LGALS12: variants seen among roughly 807,000 people sequenced by gnomAD.
The protein encoded by LGALS12 is galectin-12.
A neutral mutation model predicts 36.8 loss-of-function variants in LGALS12; 36 were observed. That is an observed-to-expected ratio of 0.98 (90% CI 0.75 to 1.29). The LOEUF (loss-of-function observed/expected upper bound fraction) is 1.29. LGALS12 is among the 50% of genes most tolerant of loss of function. LGALS12 has a pLI of 0.00. For synonymous variants in LGALS12, 145 were observed against 155.9 expected (o/e 0.93, Z 0.52); for missense variants, 366 against 394.3 (o/e 0.93, Z 0.61).
intron 7 of LGALS12, among the ~76,000 whole-genome samples, chr11:63,513,080 A>T (rs1445537837): frequency 5.3e-5 from 8 of 152,192 alleles, no homozygotes; most frequent in Non-Finnish European, 1.2e-4. Flanking sequence ...TCGGCCTCCA[A>T]AGACAGGCAT....
chr11:63,512,947 T>A (rs989400678), intron 7 of LGALS12, among the ~76,000 whole-genome samples: 4 of 150,482 alleles, frequency 2.7e-5, no homozygotes, highest in Non-Finnish European at 4.4e-5. Flanking sequence ...AAGCACCCTA[T>A]GTTCTCCTTG....
chr11:63,509,097 G>C, intron 3 of LGALS12, 106 bp downstream of exon 3: 1 of 940,114 alleles, frequency 1.1e-6, no homozygotes, highest in Non-Finnish European at 1.6e-6. Flanking sequence ...ATTGGTAGTG[G>C]TCAGGTACCA....
At chr11:63,511,604 G>A in intron 6 of LGALS12, 148 bp from the exon 7 acceptor site, 1 of 628,448 alleles carries the variant, frequency 1.6e-6, no homozygotes, top group Non-Finnish European at 2.8e-6. Flanking sequence ...AGTACAGGAG[G>A]CCAGGTGCTT....
At chr11:63,516,136 G>A in intron 8 of LGALS12, 111 bp from the exon 9 acceptor site, 1 of 1,372,636 alleles carries the variant, frequency 7.3e-7, no homozygotes, top group Non-Finnish European at 9.8e-7. Flanking sequence ...TGCCCCCTGG[G>A]TCCAGTCTTC....
chr11:63,507,665 C>T (rs971032375), intron 1 of LGALS12, among the ~76,000 whole-genome samples: 5 of 150,806 alleles, frequency 3.3e-5, no homozygotes, highest in Non-Finnish European at 7.4e-5. Flanking sequence ...GGAGGAACAG[C>T]CCAGAAAAGG....
chr11:63,513,063 G>A (rs2016976142), intron 7 of LGALS12, among the ~76,000 whole-genome samples: 1 of 152,150 alleles, frequency 6.6e-6, no homozygotes. Flanking sequence ...CCCAGCACTC[G>A]ATGGCCTCGG....
intron 7 of LGALS12, among the ~76,000 whole-genome samples, chr11:63,514,636 G>C (rs2017025348): frequency 6.6e-6 from 1 of 152,068 alleles, no homozygotes; most frequent in African/African-American, 2.4e-5. Context: ...GCAGGTGCCA[G>C]ATCCCCCCAC....
intron 7 of LGALS12, among the ~76,000 whole-genome samples, chr11:63,512,738 G>A (rs867627871): frequency 6.0e-5 from 9 of 149,478 alleles, no homozygotes; most frequent in African/African-American, 7.5e-5. Flanking sequence ...GCAGTGATCC[G>A]AGATCGCGCC....
chr11:63,513,055 C>T (rs1432430113), intron 7 of LGALS12, among the ~76,000 whole-genome samples: 1 of 152,256 alleles, frequency 6.6e-6, no homozygotes, highest in South Asian at 2.1e-4. Flanking sequence ...GCATGAAGCC[C>T]AGCACTCGAT....
intron 7 of LGALS12, among the ~76,000 whole-genome samples, chr11:63,513,286 T>C (rs2016981871): frequency 6.6e-6 from 1 of 152,202 alleles, no homozygotes; most frequent in Admixed American, 6.5e-5. Flanking sequence ...GTTCATATTG[T>C]AGCTCAAAGT....
intron 7 of LGALS12, among the ~76,000 whole-genome samples, chr11:63,514,375 C>G (rs1454333707): frequency 6.6e-6 from 1 of 152,080 alleles, no homozygotes; most frequent in South Asian, 2.1e-4. Context: ...ATCGAGACCA[C>G]CCTGGCCAAC....
At chr11:63,513,017 C>T (rs897703639) in intron 7 of LGALS12, among the ~76,000 whole-genome samples, 1 of 152,122 alleles carries the variant, frequency 6.6e-6, no homozygotes, top group African/African-American at 2.4e-5. Context: ...CTGCACACTG[C>T]CGATCATGCC....
chr11:63,514,294 G>A (rs1042162372), intron 7 of LGALS12, among the ~76,000 whole-genome samples: 1 of 152,162 alleles, frequency 6.6e-6, no homozygotes, highest in Non-Finnish European at 1.5e-5. Flanking sequence ...AATCTGGGCC[G>A]GGCGCGGTGG....
chr11:63,508,237 T>C (rs2016800344), intron 1 of LGALS12: 1 of 1,210,740 alleles, frequency 8.3e-7, no homozygotes, highest in South Asian at 1.8e-5. Flanking sequence ...ATCTAGTGGA[T>C]GGCAAGCCTC....
At chr11:63,510,229 T>G (rs2016877719) in intron 4 of LGALS12, among the ~76,000 whole-genome samples, 2 of 152,202 alleles carry the variant, frequency 1.3e-5, no homozygotes, top group Non-Finnish European at 2.9e-5. Flanking sequence ...TCCCACCTGA[T>G]GGGCTTATTA....
chr11:63,514,801 A>T (rs559477818), intron 7 of LGALS12, among the ~76,000 whole-genome samples: 3 of 152,294 alleles, frequency 2.0e-5, no homozygotes, highest in African/African-American at 7.2e-5. Context: ...AAGGAAAGGC[A>T]AACTAGCTTC....
intron 1 of LGALS12, among the ~76,000 whole-genome samples, chr11:63,506,868 A>G (rs2016757171): frequency 1.3e-5 from 2 of 152,192 alleles, no homozygotes; most frequent in African/African-American, 4.8e-5. Flanking sequence ...GGACAGTCTC[A>G]TCCCCAGCCT....
Position 63,515,732 on chromosome 11 carries a change from A to C in LGALS12, c.798+19A>C. 2 of 1,612,502 alleles carry C rather than the reference A, an allele frequency of 1.2e-6. No individual in the cohort carries two copies. Among genetic ancestry groups the C allele is most frequent in the Non-Finnish European group, 1.7e-6 (2 of 1,179,088 alleles). ...CTTTGAGGTAGGTCAGAGCCAAATG[A>C]TTACATCCCTTCAGGCTGGAGCACA... On this transcript the variant is annotated intron_variant, in intron 8 of 8. Coordinates refer to ENST00000394618, the MANE Select transcript of LGALS12 (RefSeq NM_033101.4).
At chr11:63,510,371 G>A in intron 4 of LGALS12, 92 bp from the exon 5 acceptor site, 1 of 1,309,164 alleles carries the variant, frequency 7.6e-7, no homozygotes, top group Non-Finnish European at 1.1e-6. Flanking sequence ...ATGAGGAGCT[G>A]TAAAGGCCAG....
Sources: gnomAD v4.1 joint callset for allele counts (sites outside exome capture counted in the v4.1 genomes callset) on GRCh38, gnomAD v4.1.1 for gene constraint, MANE v1.5 for transcripts, NCBI Gene and HGNC (gene_info 2026-07-23, HGNC 2026-07-21) for gene names.